The following CNTNAP2 variants were observed in gnomAD, a reference collection of about 807,000 sequenced individuals.
The protein encoded by CNTNAP2 is contactin-associated protein-like 2.
Under a neutral mutation model 155.2 loss-of-function variants are expected in CNTNAP2, and 98 were observed. The ratio of observed to expected loss-of-function variants is 0.63; its 90% CI spans 0.54 to 0.75. The LOEUF is 0.75. Ranked by LOEUF, CNTNAP2 falls within the 30% of genes least tolerant of loss-of-function variation. The probability of loss-of-function intolerance (pLI) is 0.00; values close to 1 mark genes in which losing one functional copy is unlikely to be tolerated. For missense variants in CNTNAP2, 1,727 were observed against 1,688.1 expected, an observed-to-expected ratio of 1.02 and a Z score of -0.40; for synonymous variants, 651 against 631.2, an observed-to-expected ratio of 1.03 and a Z score of -0.47.
chr7:146,531,589 A>T (rs1364311336), intron 1 of CNTNAP2, among the ~76,000 whole-genome samples: 1 of 152,180 alleles, frequency 6.6e-6, no homozygotes, highest in Non-Finnish European at 1.5e-5. Context: ...TCAGTTGCCC[A>T]GGCTGGAGTG....
chr7:148,083,006 G>A (rs1365598679), intron 15 of CNTNAP2, among the ~76,000 whole-genome samples: 1 of 152,016 alleles, frequency 6.6e-6, no homozygotes, highest in African/African-American at 2.4e-5. Flanking sequence ...GGTGGTTGTA[G>A]AGAATGCACT....
intron 12 of CNTNAP2, among the ~76,000 whole-genome samples, chr7:147,575,374 G>T (rs5006632): frequency 1.3e-5 from 1 of 78,304 alleles, no homozygotes; most frequent in East Asian, 3.8e-4. Context: ...CTTTAGGGGT[G>T]TGTGTGTGTG....
At chr7:146,794,988 A>G (rs187020551) in intron 2 of CNTNAP2, among the ~76,000 whole-genome samples, 18 of 152,322 alleles carry the variant, frequency 1.2e-4, no homozygotes, top group East Asian at 3.9e-4. Flanking sequence ...TTCATATGCT[A>G]TAGACAGAGT....
intron 3 of CNTNAP2, among the ~76,000 whole-genome samples, chr7:146,850,893 C>G (rs1024525673): frequency 6.6e-6 from 1 of 152,188 alleles, no homozygotes; most frequent in African/African-American, 2.4e-5. Context: ...CCTGGTCAGC[C>G]ATTCCTTTCA....
rs1796693979 is a variant in CNTNAP2, at chr7:147,390,455, T to G, written c.1499-5154T>G. ...TGGGCAGTTCTGACTTGATATTTCTTATAAGGCTGCAGATACATGTTTCCT... is the reference window on the plus strand; with the variant it reads ...TGGGCAGTTCTGACTTGATATTTCTGATAAGGCTGCAGATACATGTTTCCT... On this transcript the variant is annotated intron_variant, in intron 9 of 23. Transcript: ENST00000361727. Among the ~76,000 whole-genome samples, 4 of 152,262 alleles carry G rather than the reference T, an allele frequency of 2.6e-5. No individual in the cohort carries two copies. In the South Asian group the frequency reaches 8.3e-4, roughly 32 times the overall value.
chr7:147,485,786 T>C, intron 10 of CNTNAP2, 149 bp from the exon 11 acceptor site: 1 of 760,644 alleles, frequency 1.3e-6, no homozygotes, highest in Non-Finnish European at 2.3e-6. Context: ...TCATGAATCA[T>C]ATTAATCTGC....
At chr7:146,241,810 A>G (rs527657069) in intron 1 of CNTNAP2, among the ~76,000 whole-genome samples, 1 of 151,216 alleles carries the variant, frequency 6.6e-6, no homozygotes, top group South Asian at 2.1e-4. Flanking sequence ...ATTTGAAATT[A>G]TATATATACC....
intron 12 of CNTNAP2, among the ~76,000 whole-genome samples, chr7:147,631,297 A>G (rs1795081157): frequency 6.6e-6 from 1 of 152,148 alleles, no homozygotes; most frequent in South Asian, 2.1e-4. Flanking sequence ...GATCTCTACA[A>G]AGTTAACTAC....
At chr7:147,922,630 C>T (rs370821618) in intron 14 of CNTNAP2, among the ~76,000 whole-genome samples, 9 of 152,306 alleles carry the variant, frequency 5.9e-5, no homozygotes, top group African/African-American at 1.9e-4. Context: ...TTTGTCTAGG[C>T]CAACTGATGC....
At position 147,670,636 on chromosome 7, in the gene CNTNAP2, A is replaced by T. The variant is rs185106287; in HGVS notation, c.2098+31330A>T. 3.7e-3 allele frequency among the ~76,000 whole-genome samples: 567 copies of T among 152,322 alleles called. 1 individual carries two copies. The highest frequency in any genetic ancestry group is 0.013 in the African/African-American group (531 of 41,588). ...CATAACTTTGGAGAAGAATCTGGCC[A>T]GAGATGGCCAGACGTCAGGGGAAGA... is the stretch of plus-strand genomic sequence containing the variant. On this transcript the variant is annotated intron_variant, in intron 13 of 23. Coordinates refer to ENST00000361727, the MANE Select transcript of CNTNAP2 (RefSeq NM_014141.6).
intron 9 of CNTNAP2, among the ~76,000 whole-genome samples, chr7:147,371,223 T>A (rs1454213540): frequency 6.6e-6 from 1 of 152,150 alleles, no homozygotes; most frequent in Non-Finnish European, 1.5e-5. Context: ...ATATATATCA[T>A]ACGGATTTGG....
chr7:148,076,688 G>C (rs1429052124), intron 15 of CNTNAP2, among the ~76,000 whole-genome samples: 2 of 151,766 alleles, frequency 1.3e-5, no homozygotes, highest in Admixed American at 6.6e-5. Flanking sequence ...ACCCATCTCT[G>C]CCTCCCAAAG....
intron 15 of CNTNAP2, among the ~76,000 whole-genome samples, chr7:148,109,709 A>G (rs565629618): frequency 1.3e-5 from 2 of 152,300 alleles, no homozygotes; most frequent in Non-Finnish European, 2.9e-5. Flanking sequence ...AACACCTGGA[A>G]ATTATCGCCA....
chr7:146,945,415 C>G (rs1797143276), intron 3 of CNTNAP2, among the ~76,000 whole-genome samples: 1 of 152,142 alleles, frequency 6.6e-6, no homozygotes, highest in African/African-American at 2.4e-5. Flanking sequence ...AATTACAATA[C>G]TGATGTTTAA....
chr7:147,837,864 T>C lies in CNTNAP2; in HGVS notation c.2099-65701T>C, dbSNP rs532717830. ...ACAGCCTTGGGCAGCTCTGTCCCTG[T>C]GGCTTTGCAGGCTATAGCCTCCCTC... On this transcript the variant is annotated intron_variant, in intron 13 of 23. Coordinates refer to ENST00000361727, the MANE Select transcript of CNTNAP2 (RefSeq NM_014141.6). Among the ~76,000 whole-genome samples, 24 of 152,316 alleles carry C rather than the reference T, an allele frequency of 1.6e-4. 1 individual carries two copies. Among genetic ancestry groups the C allele is most frequent in the Middle Eastern group, 6.8e-3 (2 of 294 alleles).
At position 147,163,739 on chromosome 7, in the gene CNTNAP2, C is replaced by G. The variant is rs1421142998; in HGVS notation, c.1348+31230C>G. Among the ~76,000 whole-genome samples, 3 of 152,294 alleles carry G rather than the reference C, an allele frequency of 2.0e-5. No individual in the cohort carries two copies. The East Asian group carries it at 5.8e-4, about 29-fold the overall frequency. The stretch of plus-strand genomic sequence containing the variant: ...TTCTATAAATAAGTATGTACCATAT[C>G]AATGAAATTCATGAGTTCTGGGATT... On this transcript the variant is annotated intron_variant, in intron 8 of 23. Transcript: ENST00000361727.
chr7:147,060,934 G>A (rs1161103018), intron 4 of CNTNAP2, among the ~76,000 whole-genome samples: 1 of 152,088 alleles, frequency 6.6e-6, no homozygotes, highest in Admixed American at 6.6e-5. Flanking sequence ...TCATATTTCT[G>A]AGATGTAGTA....
At chr7:148,224,477 G>T (rs944677127) in intron 19 of CNTNAP2, among the ~76,000 whole-genome samples, 24 of 152,156 alleles carry the variant, frequency 1.6e-4, no homozygotes, top group Non-Finnish European at 2.9e-5. Context: ...ACAGTGAGTG[G>T]TATGACTTGA....
chr7:147,758,537 T>C (rs1041659114), intron 13 of CNTNAP2, among the ~76,000 whole-genome samples: 4 of 152,164 alleles, frequency 2.6e-5, no homozygotes, highest in Non-Finnish European at 5.9e-5. Context: ...ACCTTGGTTT[T>C]CAGTAAGTTA....
Sources: allele counts gnomAD v4.1 joint callset (sites outside exome capture counted in the v4.1 genomes callset), GRCh38; gene constraint gnomAD v4.1.1; transcripts MANE v1.5; gene names NCBI Gene and HGNC (gene_info 2026-07-23, HGNC 2026-07-21).